The following NRG1 variants were observed in gnomAD, a reference collection of about 807,000 sequenced individuals.
NRG1 encodes pro-neuregulin-1, membrane-bound isoform.
In NRG1, 18 loss-of-function variants were observed where a neutral mutation model predicts 63.8. The ratio of observed to expected loss-of-function variants is 0.28; its 90% CI spans 0.19 to 0.42. NRG1 has a LOEUF of 0.42. NRG1 is among the 10% of genes least tolerant of loss of function. The pLI is 1.00. For missense variants in NRG1, 762 were observed against 814.7 expected (o/e 0.94, Z 0.79); for synonymous variants, 302 against 301.3 (o/e 1.00, Z -0.02).
At chr8:32,755,880 C>T (rs568520871) in intron 8 of NRG1, among the ~76,000 whole-genome samples, 3 of 151,956 alleles carry the variant, frequency 2.0e-5, no homozygotes, top group Non-Finnish European at 2.9e-5. Flanking sequence ...GTAGCTGGGA[C>T]GACAGGTGCA....
chr8:32,302,579 T>A (rs1563290749), intron 1 of NRG1, among the ~76,000 whole-genome samples: 2 of 142,008 alleles, frequency 1.4e-5, no homozygotes, highest in African/African-American at 2.6e-5. Context: ...TTATAATGCA[T>A]CCTTCTGGCA....
chr8:32,351,725 T>C (rs1805635085), intron 1 of NRG1, among the ~76,000 whole-genome samples: 1 of 152,178 alleles, frequency 6.6e-6, no homozygotes, highest in South Asian at 2.1e-4. Context: ...TCATGCTTCC[T>C]GGCACCCTGA....
At chr8:32,167,003 T>C (rs1351509) in intron 1 of NRG1, among the ~76,000 whole-genome samples, 125,014 of 152,158 alleles carry the variant, frequency 0.82, 51,953 homozygotes, top group African/African-American at 0.92. Flanking sequence ...GTTAGGTCCA[T>C]GTGCAGCCCA....
chr8:32,502,831 ACTGT>A (rs1225957490), intron 1 of NRG1, among the ~76,000 whole-genome samples: 1 of 152,134 alleles, frequency 6.6e-6, no homozygotes, highest in African/African-American at 2.4e-5. Context: ...ACAATCATAA[ACTGT>A]CAGTTACATA....
At chr8:32,483,679 A>G (rs1825568466) in intron 1 of NRG1, among the ~76,000 whole-genome samples, 1 of 152,212 alleles carries the variant, frequency 6.6e-6, no homozygotes, top group Non-Finnish European at 1.5e-5. Flanking sequence ...ACTTGAGCAT[A>G]GGTGAGCTGT....
intron 1 of NRG1, among the ~76,000 whole-genome samples, chr8:32,581,102 A>G (rs1247842086): frequency 6.6e-6 from 1 of 152,156 alleles, no homozygotes; most frequent in South Asian, 2.1e-4. Flanking sequence ...CAGAATGTCA[A>G]CTCCAGGAGA....
chr8:32,416,287 G>T (rs909236945), intron 1 of NRG1, among the ~76,000 whole-genome samples: 1 of 150,104 alleles, frequency 6.7e-6, no homozygotes, highest in Non-Finnish European at 1.5e-5. Flanking sequence ...TTCCTTCCCC[G>T]CTTTCACCTT....
Position 32,344,324 on chromosome 8 carries a change from C to CTCTTTCTTTCTTTCTTTCTT in NRG1, c.38-251464_38-251445dup, listed in dbSNP as rs765116407. On this transcript the variant is annotated intron_variant, in intron 1 of 10. Transcript: ENST00000519301. The stretch of plus-strand genomic sequence containing the variant: ...CCACATCTTTTTTTTTTCCTTCTTT[C>CTCTTTCTTTCTTTCTTTCTT]TCTTTCTTTCTTTCTTTCTTTCTTT... 3.1e-3 allele frequency among the ~76,000 whole-genome samples: 197 copies of CTCTTTCTTTCTTTCTTTCTT among 64,122 alleles called. 8 individuals carry two copies. In the Middle Eastern group the frequency reaches 0.034, roughly 11 times the overall value. 42.1% of individuals were successfully genotyped at this position (64,122 alleles called of 152,430 possible).
chr8:32,048,800 G>A (rs1011969454), intron 1 of NRG1, among the ~76,000 whole-genome samples: 3 of 151,656 alleles, frequency 2.0e-5, no homozygotes, highest in Non-Finnish European at 4.4e-5. Context: ...TATTTTGCCC[G>A]TTTTTTAATC....
intron 1 of NRG1, among the ~76,000 whole-genome samples, chr8:32,529,215 T>C (rs1831194211): frequency 6.6e-6 from 1 of 152,160 alleles, no homozygotes; most frequent in South Asian, 2.1e-4. Context: ...TCTAAACATA[T>C]CTAAACATAG....
intron 1 of NRG1, among the ~76,000 whole-genome samples, chr8:31,913,170 G>A (rs1833087357): frequency 6.6e-6 from 1 of 152,116 alleles, no homozygotes; most frequent in African/African-American, 2.4e-5. Flanking sequence ...TTTCAATATA[G>A]GTTTGCCAGA....
At chr8:32,167,020 A>G (rs1353693948) in intron 1 of NRG1, among the ~76,000 whole-genome samples, 2 of 152,234 alleles carry the variant, frequency 1.3e-5, no homozygotes, top group African/African-American at 4.8e-5. Context: ...CCCAGGAGGT[A>G]TGTAAAAGCT....
intron 1 of NRG1, among the ~76,000 whole-genome samples, chr8:31,921,792 G>A (rs934123067): frequency 6.6e-6 from 1 of 152,044 alleles, no homozygotes; most frequent in African/African-American, 2.4e-5. Context: ...TTTATTTTGT[G>A]GTATTGGTTG....
At chr8:32,027,466 T>TTCCTTCCCTCCCTCCCTCCCTCCCTCCC (rs1491191069) in intron 1 of NRG1, among the ~76,000 whole-genome samples, 24 of 60,838 alleles carry the variant, frequency 3.9e-4, no homozygotes, top group African/African-American at 1.9e-3. Flanking sequence ...CCTTCCTTCC[T>TTCCTTCCCTCCCTCCCTCCCTCCCTCCC]TCCCTCCCTC....
intron 1 of NRG1, among the ~76,000 whole-genome samples, chr8:32,102,352 G>C (rs1830684831): frequency 6.6e-6 from 1 of 152,092 alleles, no homozygotes. Context: ...TGCCCAGGCT[G>C]GTCTTGAACT....
At chr8:32,733,410 G>A (rs1181057915) in intron 6 of NRG1, among the ~76,000 whole-genome samples, 3 of 151,970 alleles carry the variant, frequency 2.0e-5, no homozygotes, top group African/African-American at 7.3e-5. Context: ...CAAAATCACA[G>A]CAAATATAAT....
At chr8:31,722,748 C>T (rs1254203784) in intron 1 of NRG1, among the ~76,000 whole-genome samples, 1 of 152,068 alleles carries the variant, frequency 6.6e-6, no homozygotes, top group Non-Finnish European at 1.5e-5. Context: ...GTCTGTATGA[C>T]CTAATGAAAA....
chr8:32,626,085 C>T (rs777758855), intron 5 of NRG1, among the ~76,000 whole-genome samples: 13 of 151,462 alleles, frequency 8.6e-5, no homozygotes, highest in Non-Finnish European at 1.3e-4. Flanking sequence ...TTAGCCACTG[C>T]GCTTGGCCAA....
intron 1 of NRG1, among the ~76,000 whole-genome samples, chr8:32,388,952 C>T (rs1383403035): frequency 6.6e-6 from 1 of 152,178 alleles, no homozygotes; most frequent in Non-Finnish European, 1.5e-5. Flanking sequence ...TTAGGGTAAC[C>T]TAATGCCACC....
Sources: gnomAD v4.1 joint callset for allele counts (sites outside exome capture counted in the v4.1 genomes callset) on GRCh38, gnomAD v4.1.1 for gene constraint, MANE v1.5 for transcripts, NCBI Gene and HGNC (gene_info 2026-07-23, HGNC 2026-07-21) for gene names.